LRBA: variants seen among roughly 807,000 people sequenced by gnomAD.
LRBA encodes lipopolysaccharide-responsive and beige-like anchor protein.
A neutral mutation model predicts 330.0 loss-of-function variants in LRBA; 176 were observed. The observed-to-expected ratio is 0.53, with a 90% CI of 0.47 to 0.60. The LOEUF (loss-of-function observed/expected upper bound fraction) is 0.60, where lower values mean the gene tolerates loss of function less well. LRBA is among the 20% of genes least tolerant of loss of function. The probability of loss-of-function intolerance (pLI) is 0.00; values close to 1 mark genes in which losing one functional copy is unlikely to be tolerated. For synonymous variants in LRBA, 1,230 were observed against 1,193.0 expected (o/e 1.03, Z -0.64); for missense variants, 3,259 against 3,444.8 (o/e 0.95, Z 1.35).
intron 47 of LRBA, among the ~76,000 whole-genome samples, chr4:150,358,741 TGTAG>T (rs1187569490): frequency 1.3e-5 from 2 of 152,192 alleles, no homozygotes; most frequent in Non-Finnish European, 2.9e-5. Context: ...TATGAACTCC[TGTAG>T]GTTTTATATT....
chr4:150,897,966 G>T, intron 14 of LRBA, 148 bp from the exon 15 acceptor site: 1 of 606,972 alleles, frequency 1.6e-6, no homozygotes, highest in Non-Finnish European at 3.0e-6. Context: ...TATGCCTCTA[G>T]AAAGACAAGT....
At chr4:150,413,648 C>T (rs1206626669) in intron 47 of LRBA, among the ~76,000 whole-genome samples, 1 of 152,092 alleles carries the variant, frequency 6.6e-6, no homozygotes, top group East Asian at 1.9e-4. Flanking sequence ...TATAAAGAGG[C>T]CCAAGGAAAC....
At chr4:150,771,806 GC>G (rs1736603719) in intron 34 of LRBA, among the ~76,000 whole-genome samples, 1 of 152,144 alleles carries the variant, frequency 6.6e-6, no homozygotes, top group Admixed American at 6.5e-5. Context: ...TGCCACCATG[GC>G]CACCTTGTTC....
At chr4:150,623,213 C>A (rs890709603) in intron 37 of LRBA, among the ~76,000 whole-genome samples, 4 of 152,172 alleles carry the variant, frequency 2.6e-5, no homozygotes, top group African/African-American at 9.6e-5. Flanking sequence ...CCTTGCCCCA[C>A]AAGGGCATTC....
chr4:150,796,415 G>A (rs1393680538), intron 34 of LRBA, among the ~76,000 whole-genome samples: 1 of 151,900 alleles, frequency 6.6e-6, no homozygotes, highest in Admixed American at 6.6e-5. Flanking sequence ...GCTACATCTT[G>A]TAGAGATGCC....
In LRBA at chr4:150,357,597, C is replaced by T. The variant is rs536366048; in HGVS notation, c.7195-7438G>A. Among the ~76,000 whole-genome samples the T allele has an allele frequency of 2.0e-5, 3 of 150,902 alleles. No individual in the cohort carries two copies. In the East Asian group the frequency reaches 5.8e-4, roughly 29 times the overall value. On this transcript the variant is annotated intron_variant, in intron 47 of 56. Transcript: ENST00000651943. ...TTTTCATCTAAAATCTAGGAATTCA[C>T]AACATACAGATATGCTAAACTAATT...
At chr4:150,869,312 T>C (rs560262854) in intron 20 of LRBA, among the ~76,000 whole-genome samples, 1 of 152,256 alleles carries the variant, frequency 6.6e-6, no homozygotes, top group African/African-American at 2.4e-5. Context: ...TAAAACCTAT[T>C]CAACATCCCA....
intron 35 of LRBA, among the ~76,000 whole-genome samples, chr4:150,738,668 A>G (rs900932329): frequency 1.3e-5 from 2 of 152,204 alleles, no homozygotes; most frequent in Non-Finnish European, 2.9e-5. Flanking sequence ...AGAGAAACCA[A>G]CTGAATTAGT....
Position 150,264,483 on chromosome 4 carries a change from A to AAATTT in LRBA, c.*1234_*1238dup, listed in dbSNP as rs773410296. 7.5e-5 allele frequency: 11 copies of AAATTT among 147,622 alleles called. No individual in the cohort carries two copies. Among genetic ancestry groups the AAATTT allele is most frequent in the Non-Finnish European group, 1.4e-4 (9 of 66,432 alleles). The allele number at this position is 147,622 out of a possible 1,614,324, so 9.1% of individuals were successfully genotyped here. ...ATCATTATTTTATTAATGATGTTTAAAATTTAGGAGCAAAAAAGGCATTTC... is the reference window on the plus strand; with the variant it reads ...ATCATTATTTTATTAATGATGTTTAAAATTTAATTTAGGAGCAAAAAAGGCATTTC... On this transcript the variant is annotated 3_prime_UTR_variant, in exon 57 of 57. Transcript: ENST00000651943.
intron 36 of LRBA, among the ~76,000 whole-genome samples, chr4:150,689,615 A>C (rs904595974): frequency 7.9e-5 from 12 of 152,156 alleles, no homozygotes; most frequent in African/African-American, 2.9e-4. Flanking sequence ...GGTGAATTCC[A>C]CCAAACATTT....
At chr4:150,556,873 T>G (rs1391091725) in intron 40 of LRBA, among the ~76,000 whole-genome samples, 2 of 152,170 alleles carry the variant, frequency 1.3e-5, no homozygotes, top group African/African-American at 4.8e-5. Flanking sequence ...AAACAAGGCC[T>G]ACAAGGAAAA....
chr4:150,739,101 T>C (rs1162168297), intron 35 of LRBA, among the ~76,000 whole-genome samples: 1 of 152,060 alleles, frequency 6.6e-6, no homozygotes. Flanking sequence ...GGTAATAAAC[T>C]TTTTTTAGTA....
chr4:150,959,260 G>A (rs1361942696), intron 2 of LRBA, among the ~76,000 whole-genome samples: 1 of 148,936 alleles, frequency 6.7e-6, no homozygotes, highest in African/African-American at 2.6e-5. Flanking sequence ...ATCAGATCTC[G>A]TGAGACTTAT....
chr4:150,891,189 T>G (rs2127089880), intron 17 of LRBA, among the ~76,000 whole-genome samples: 1 of 152,334 alleles, frequency 6.6e-6, no homozygotes, highest in South Asian at 2.1e-4. Context: ...TCCATTACAT[T>G]CCTAAGTATG....
chr4:150,893,679 T>C (rs1387634311), intron 16 of LRBA, among the ~76,000 whole-genome samples: 4 of 151,960 alleles, frequency 2.6e-5, no homozygotes, highest in Non-Finnish European at 5.9e-5. Flanking sequence ...TTTTGTTTTT[T>C]GTTTTTTGTT....
intron 40 of LRBA, among the ~76,000 whole-genome samples, chr4:150,559,023 C>T (rs1362033575): frequency 6.6e-6 from 1 of 152,112 alleles, no homozygotes; most frequent in East Asian, 1.9e-4. Flanking sequence ...ACATCCTGTG[C>T]CTCTGTAAGT....
intron 53 of LRBA, among the ~76,000 whole-genome samples, chr4:150,287,016 G>A (rs1227573474): frequency 6.6e-6 from 1 of 152,234 alleles, no homozygotes; most frequent in East Asian, 1.9e-4. Context: ...CAAGTGGAGA[G>A]CAGGATTCTA....
chr4:150,818,567 T>TGTGTGC (rs1376093670), intron 30 of LRBA, among the ~76,000 whole-genome samples: 49 of 149,388 alleles, frequency 3.3e-4, no homozygotes, highest in Middle Eastern at 3.4e-3. Context: ...TGTGTGTGCG[T>TGTGTGC]GCACGAATGT....
chr4:150,965,345 AATT>A (rs1304989564), intron 2 of LRBA, among the ~76,000 whole-genome samples: 1 of 152,188 alleles, frequency 6.6e-6, no homozygotes, highest in Non-Finnish European at 1.5e-5. Flanking sequence ...AAATAAGAAA[AATT>A]ATCAGCAAAG....
Sources: gnomAD v4.1 joint callset for allele counts (sites outside exome capture counted in the v4.1 genomes callset) on GRCh38, gnomAD v4.1.1 for gene constraint, MANE v1.5 for transcripts, NCBI Gene and HGNC (gene_info 2026-07-23, HGNC 2026-07-21) for gene names.